The following RAD51B variants were observed in gnomAD, a reference collection of about 807,000 sequenced individuals.
RAD51B encodes the protein DNA repair protein RAD51 homolog 2.
A neutral mutation model predicts 42.2 loss-of-function variants in RAD51B; 38 were observed. That is an observed-to-expected ratio of 0.90 (90% CI 0.70 to 1.18). RAD51B has a LOEUF of 1.18. Ranked by LOEUF, RAD51B falls within the 50% of genes most tolerant of loss-of-function variation. RAD51B has a pLI of 0.00. For synonymous variants in RAD51B, 154 were observed against 145.2 expected, an observed-to-expected ratio of 1.06 and a Z score of -0.43; for missense variants, 373 against 400.7, an observed-to-expected ratio of 0.93 and a Z score of 0.59.
chr14:68,356,172 C>T (rs567412483), intron 8 of RAD51B, among the ~76,000 whole-genome samples: 2 of 152,316 alleles, frequency 1.3e-5, no homozygotes, highest in African/African-American at 4.8e-5. Flanking sequence ...GTGGCTCACG[C>T]CTGTAATCCC....
intron 10 of RAD51B, among the ~76,000 whole-genome samples, chr14:68,474,016 A>G (rs556316996): frequency 7.9e-5 from 12 of 152,254 alleles, no homozygotes; most frequent in East Asian, 1.9e-4. Context: ...CACAGGTCAC[A>G]TGATACACAG....
At chr14:68,360,160 C>T (rs1308400319) in intron 8 of RAD51B, among the ~76,000 whole-genome samples, 1 of 152,212 alleles carries the variant, frequency 6.6e-6, no homozygotes, top group Non-Finnish European at 1.5e-5. Context: ...TCTTCCGGGC[C>T]TTCTCTTGTT....
rs554710395 is a variant in RAD51B at position 67,917,593 on chromosome 14, ATAACT to A, written c.756+30394_756+30398del. 6.6e-5 allele frequency among the ~76,000 whole-genome samples: 10 copies of A among 152,356 alleles called. No individual in the cohort carries two copies. In the South Asian group the frequency reaches 1.2e-3, roughly 19 times the overall value. On this transcript the variant is annotated intron_variant, in intron 7 of 10. Transcript: ENST00000471583. ...TATTCAAACCATATCACAGATGATGATAACTTAACGAGTATTATCAGTGAAGATGC... is the reference window on the plus strand; with the variant it reads ...TATTCAAACCATATCACAGATGATGATAACGAGTATTATCAGTGAAGATGC...
chr14:68,069,393 CA>C (rs1385436493), intron 7 of RAD51B, among the ~76,000 whole-genome samples: 1 of 152,034 alleles, frequency 6.6e-6, no homozygotes, highest in Non-Finnish European at 1.5e-5. Context: ...GAGTAATCAG[CA>C]TAATACCCAA....
chr14:68,648,637 C>T (rs186424506), intron 10 of RAD51B, among the ~76,000 whole-genome samples: 1 of 148,100 alleles, frequency 6.8e-6, no homozygotes, highest in East Asian at 2.1e-4. Context: ...AATTTTTAAA[C>T]TAGTGGGACA....
chr14:67,882,506 A>G (rs1466489205), intron 5 of RAD51B, among the ~76,000 whole-genome samples: 5 of 152,170 alleles, frequency 3.3e-5, no homozygotes, highest in African/African-American at 9.7e-5. Context: ...TGATATCTGA[A>G]TTCTGAGCTT....
chr14:67,951,501 A>G (rs2074447012), intron 7 of RAD51B, among the ~76,000 whole-genome samples: 2 of 152,184 alleles, frequency 1.3e-5, no homozygotes, highest in South Asian at 2.1e-4. Flanking sequence ...TCGTCTTCCC[A>G]GTTTAAAAGG....
chr14:68,640,462 T>G (rs1364635875), intron 10 of RAD51B, among the ~76,000 whole-genome samples: 1 of 152,198 alleles, frequency 6.6e-6, no homozygotes, highest in African/African-American at 2.4e-5. Flanking sequence ...ACATAGTAAT[T>G]CATGTAAGAA....
chr14:68,388,731 A>G (rs2083666304), intron 8 of RAD51B, among the ~76,000 whole-genome samples: 1 of 152,128 alleles, frequency 6.6e-6, no homozygotes, highest in African/African-American at 2.4e-5. Flanking sequence ...CTTCCTTTCT[A>G]GCAGCCTCAG....
chr14:67,971,823 C>T (rs2074904525), intron 7 of RAD51B, among the ~76,000 whole-genome samples: 1 of 151,786 alleles, frequency 6.6e-6, no homozygotes, highest in Non-Finnish European at 1.5e-5. Context: ...CTCTGCTTTG[C>T]CTTAATTTCT....
At chr14:68,375,237 C>G (rs1164453271) in intron 8 of RAD51B, among the ~76,000 whole-genome samples, 2 of 151,942 alleles carry the variant, frequency 1.3e-5, no homozygotes, top group Non-Finnish European at 2.9e-5. Flanking sequence ...CTGAATTTTC[C>G]TAACACCCTC....
At chr14:68,646,667 A>G (rs988569311) in intron 10 of RAD51B, among the ~76,000 whole-genome samples, 3 of 152,118 alleles carry the variant, frequency 2.0e-5, no homozygotes, top group Non-Finnish European at 4.4e-5. Flanking sequence ...ATTCACCTGT[A>G]TTTGCTTCAA....
chr14:67,931,500 C>CTTTT (rs539507230), intron 7 of RAD51B, among the ~76,000 whole-genome samples: 3 of 117,562 alleles, frequency 2.6e-5, no homozygotes, highest in African/African-American at 6.4e-5. Flanking sequence ...TCTGGGATTT[C>CTTTT]TTTTTTTTTT....
chr14:68,397,424 G>A (rs2083957045), intron 8 of RAD51B, among the ~76,000 whole-genome samples: 1 of 152,226 alleles, frequency 6.6e-6, no homozygotes, highest in Admixed American at 6.5e-5. Flanking sequence ...TGAGGCGGCT[G>A]CCTGAAAGTA....
chr14:68,298,201 C>G (rs2081650506), intron 8 of RAD51B, among the ~76,000 whole-genome samples: 1 of 152,050 alleles, frequency 6.6e-6, no homozygotes. Context: ...GTAGGGGAGG[C>G]TAGAGTTGAG....
intron 9 of RAD51B, among the ~76,000 whole-genome samples, chr14:68,450,807 A>G (rs958597826): frequency 6.6e-6 from 1 of 152,160 alleles, no homozygotes; most frequent in African/African-American, 2.4e-5. Flanking sequence ...GTTTGTTGGG[A>G]CTGGCAAATA....
chr14:68,162,715 G>A (rs2078668039), intron 7 of RAD51B, among the ~76,000 whole-genome samples: 1 of 152,196 alleles, frequency 6.6e-6, no homozygotes, highest in Non-Finnish European at 1.5e-5. Context: ...AACCCAGGAG[G>A]CAGAGGTTGC....
chr14:68,162,723 T>C (rs1409260477), intron 7 of RAD51B, among the ~76,000 whole-genome samples: 1 of 152,192 alleles, frequency 6.6e-6, no homozygotes, highest in African/African-American at 2.4e-5. Flanking sequence ...AGGCAGAGGT[T>C]GCAGTGAGCC....
chr14:68,261,061 A>T (rs538569815), intron 7 of RAD51B, among the ~76,000 whole-genome samples: 4 of 152,266 alleles, frequency 2.6e-5, no homozygotes, highest in Non-Finnish European at 5.9e-5. Context: ...ATTTTTTCTT[A>T]AGGTCTCATA....
Sources: allele counts gnomAD v4.1 joint callset (sites outside exome capture counted in the v4.1 genomes callset), GRCh38; gene constraint gnomAD v4.1.1; transcripts MANE v1.5; gene names NCBI Gene and HGNC (gene_info 2026-07-23, HGNC 2026-07-21).